LRRC7: variants seen among roughly 807,000 people sequenced by gnomAD.
The protein encoded by LRRC7 is leucine-rich repeat-containing protein 7.
LRRC7 carries 23 observed loss-of-function variants against 175.7 expected under a neutral mutation model. The ratio of observed to expected loss-of-function variants is 0.13; its 90% CI spans 0.09 to 0.19. The LOEUF (loss-of-function observed/expected upper bound fraction) is 0.19, where lower values mean the gene tolerates loss of function less well. LRRC7 is among the 10% of genes least tolerant of loss of function. LRRC7 has a pLI of 1.00. For synonymous variants in LRRC7, 685 were observed against 680.9 expected (o/e 1.01, Z -0.09); for missense variants, 1,354 against 1,904.7 (o/e 0.71, Z 5.38).
chr1:69,740,572 G>T (rs1181198606), intron 2 of LRRC7, among the ~76,000 whole-genome samples: 1 of 152,044 alleles, frequency 6.6e-6, no homozygotes, highest in Non-Finnish European at 1.5e-5. Flanking sequence ...GACAGCAAAA[G>T]GAAAGTGAGT....
At chr1:69,595,217 C>G (rs553115172) in intron 1 of LRRC7, among the ~76,000 whole-genome samples, 1 of 152,022 alleles carries the variant, frequency 6.6e-6, no homozygotes, top group Non-Finnish European at 1.5e-5. Flanking sequence ...GTCAAGAGAT[C>G]GAGACCATCC....
At chr1:69,830,800 A>G (rs1680445776) in intron 5 of LRRC7, among the ~76,000 whole-genome samples, 1 of 151,938 alleles carries the variant, frequency 6.6e-6, no homozygotes, top group African/African-American at 2.4e-5. Context: ...TTAAGAAGAA[A>G]AGTTCAATAG....
chr1:70,095,962 G>GT (rs774285854), intron 25 of LRRC7, among the ~76,000 whole-genome samples: 10 of 151,312 alleles, frequency 6.6e-5, no homozygotes, highest in Non-Finnish European at 8.9e-5. Flanking sequence ...TATGCATGTT[G>GT]TTTTTTTTGT....
intron 7 of LRRC7, among the ~76,000 whole-genome samples, chr1:69,923,576 G>A (rs901924121): frequency 1.3e-5 from 2 of 152,176 alleles, no homozygotes; most frequent in African/African-American, 4.8e-5. Flanking sequence ...TTGTTCATGT[G>A]TTTTTTGGCT....
chr1:69,939,090 A>G (rs1240656945), intron 8 of LRRC7, among the ~76,000 whole-genome samples: 1 of 147,840 alleles, frequency 6.8e-6, no homozygotes, highest in Non-Finnish European at 1.5e-5. Flanking sequence ...CATCAAAAGA[A>G]ACTTGAAAAA....
intron 11 of LRRC7, among the ~76,000 whole-genome samples, chr1:69,997,884 C>G (rs934634622): frequency 2.6e-5 from 4 of 152,096 alleles, no homozygotes; most frequent in Non-Finnish European, 5.9e-5. Context: ...TATCTCTGCC[C>G]GGCTTTGGTA....
At chr1:69,686,957 T>C (rs1178095903) in intron 2 of LRRC7, among the ~76,000 whole-genome samples, 3 of 152,138 alleles carry the variant, frequency 2.0e-5, no homozygotes, top group African/African-American at 4.8e-5. Flanking sequence ...AGTGACTATA[T>C]TAATATCAAG....
At chr1:69,688,702 C>T (rs1661491569) in intron 2 of LRRC7, among the ~76,000 whole-genome samples, 1 of 150,964 alleles carries the variant, frequency 6.6e-6, no homozygotes, top group Non-Finnish European at 1.5e-5. Context: ...ATTTTATTGG[C>T]CTAAATGATG....
At chr1:69,850,051 T>A (rs1337505330) in intron 7 of LRRC7, among the ~76,000 whole-genome samples, 9 of 151,896 alleles carry the variant, frequency 5.9e-5, no homozygotes. Flanking sequence ...CATGGGGATG[T>A]TGGGTGATTT....
intron 11 of LRRC7, among the ~76,000 whole-genome samples, chr1:70,000,363 T>C (rs1655410568): frequency 6.6e-6 from 1 of 152,234 alleles, no homozygotes. Context: ...TCACATGTCT[T>C]ATAGTTTTGT....
At chr1:69,631,713 T>C (rs1196076193) in intron 1 of LRRC7, among the ~76,000 whole-genome samples, 1 of 152,068 alleles carries the variant, frequency 6.6e-6, no homozygotes, top group Non-Finnish European at 1.5e-5. Context: ...CTCTGTTCAA[T>C]TAGATAATAG....
chr1:69,684,706 G>C (rs1660906463), intron 2 of LRRC7, among the ~76,000 whole-genome samples: 1 of 152,046 alleles, frequency 6.6e-6, no homozygotes, highest in Non-Finnish European at 1.5e-5. Flanking sequence ...ATACCAGAGA[G>C]GCTTGCAATC....
intron 26 of LRRC7, among the ~76,000 whole-genome samples, chr1:70,108,116 T>C (rs1291098712): frequency 4.7e-5 from 7 of 149,894 alleles, no homozygotes; most frequent in Non-Finnish European, 1.5e-5. Flanking sequence ...TATATATATA[T>C]ATTAATCTAT....
At chr1:69,712,269 C>T (rs1047538407) in intron 2 of LRRC7, among the ~76,000 whole-genome samples, 14 of 151,806 alleles carry the variant, frequency 9.2e-5, no homozygotes, top group East Asian at 5.8e-4. Context: ...CACGTGCACA[C>T]GCGCAAGTGC....
chr1:69,661,987 G>A (rs1657538075), intron 1 of LRRC7, among the ~76,000 whole-genome samples: 1 of 152,006 alleles, frequency 6.6e-6, no homozygotes, highest in African/African-American at 2.4e-5. Flanking sequence ...AGCCTCCAGG[G>A]GAAGGTGCAA....
At chr1:69,936,708 C>T (rs987408220) in intron 8 of LRRC7, among the ~76,000 whole-genome samples, 1 of 152,076 alleles carries the variant, frequency 6.6e-6, no homozygotes, top group African/African-American at 2.4e-5. Flanking sequence ...TTTCAATCTT[C>T]ACCCTCCTCC....
intron 2 of LRRC7, among the ~76,000 whole-genome samples, chr1:69,696,267 G>A (rs1186219356): frequency 1.3e-5 from 2 of 152,298 alleles, no homozygotes; most frequent in Admixed American, 6.5e-5. Flanking sequence ...GAGCTTTAAA[G>A]TTTTAAGTCT....
intron 24 of LRRC7, among the ~76,000 whole-genome samples, chr1:70,086,950 T>C (rs539811814): frequency 1.3e-5 from 2 of 152,278 alleles, no homozygotes; most frequent in South Asian, 2.1e-4. Flanking sequence ...GAACTACTTA[T>C]ATGTGAGAGG....
At chr1:69,926,177 A>G (rs1041148717) in intron 7 of LRRC7, among the ~76,000 whole-genome samples, 7 of 144,938 alleles carry the variant, frequency 4.8e-5, no homozygotes, top group African/African-American at 1.8e-4. Flanking sequence ...AGTTTGTTAT[A>G]ATTTCCGTTC....
Sources: gnomAD v4.1 joint callset for allele counts (sites outside exome capture counted in the v4.1 genomes callset) on GRCh38, gnomAD v4.1.1 for gene constraint, MANE v1.5 for transcripts, NCBI Gene and HGNC (gene_info 2026-07-23, HGNC 2026-07-21) for gene names.